ST8SIA4: variants seen among roughly 807,000 people sequenced by gnomAD.
The protein encoded by ST8SIA4 is CMP-N-acetylneuraminate-poly-alpha-2,8-sialyltransferase.
Under a neutral mutation model 33.9 loss-of-function variants are expected in ST8SIA4, and 15 were observed. That is an observed-to-expected ratio of 0.44 (90% confidence interval 0.30 to 0.68). The LOEUF (loss-of-function observed/expected upper bound fraction) is 0.68. Among genes scored for constraint, ST8SIA4 ranks in the 30% least tolerant of loss-of-function variants. The pLI, the probability that ST8SIA4 is intolerant of heterozygous loss-of-function variation, is 0.10. For missense variants in ST8SIA4, 321 were observed against 428.0 expected (o/e 0.75, Z 2.21); for synonymous variants, 171 against 151.2 (o/e 1.13, Z -0.96).
chr5:100,865,834 A>C (rs978540436), intron 3 of ST8SIA4, among the ~76,000 whole-genome samples: 1 of 151,982 alleles, frequency 6.6e-6, no homozygotes, highest in Non-Finnish European at 1.5e-5. Context: ...CCACTGTCCA[A>C]TTTTAGTTAC....
intron 4 of ST8SIA4, among the ~76,000 whole-genome samples, chr5:100,850,809 T>C (rs571216116): frequency 1.3e-5 from 2 of 151,814 alleles, no homozygotes; most frequent in South Asian, 4.2e-4. Flanking sequence ...AACATGTGTG[T>C]GTATATATAT....
chr5:100,816,732 C>A (rs1221499695), intron 4 of ST8SIA4, among the ~76,000 whole-genome samples: 1 of 152,066 alleles, frequency 6.6e-6, no homozygotes, highest in South Asian at 2.1e-4. Flanking sequence ...ATTCTTCTAT[C>A]TGGAATGTGA....
At chr5:100,863,683 A>C (rs898261374) in intron 3 of ST8SIA4, among the ~76,000 whole-genome samples, 7 of 152,214 alleles carry the variant, frequency 4.6e-5, no homozygotes, top group African/African-American at 1.7e-4. Flanking sequence ...CTTGAAATAA[A>C]TAATAAGAGG....
chr5:100,877,323 C>T (rs918315868), intron 3 of ST8SIA4, among the ~76,000 whole-genome samples: 1 of 152,040 alleles, frequency 6.6e-6, no homozygotes, highest in African/African-American at 2.4e-5. Flanking sequence ...GGCTAGGAAA[C>T]TATTTCAAGA....
chr5:100,901,434 C>G (rs2112489832), intron 1 of ST8SIA4, among the ~76,000 whole-genome samples: 1 of 152,258 alleles, frequency 6.6e-6, no homozygotes, highest in South Asian at 2.1e-4. Context: ...CCATTCATCA[C>G]CTTTCTAAAG....
chr5:100,865,286 T>G (rs560415514), intron 3 of ST8SIA4, among the ~76,000 whole-genome samples: 1 of 152,340 alleles, frequency 6.6e-6, no homozygotes, highest in African/African-American at 2.4e-5. Flanking sequence ...TTCTACATTT[T>G]TAAAGATTAG....
intron 3 of ST8SIA4, among the ~76,000 whole-genome samples, chr5:100,858,796 A>T (rs1198792421): frequency 6.6e-6 from 1 of 152,128 alleles, no homozygotes; most frequent in Non-Finnish European, 1.5e-5. Flanking sequence ...GAGATCAAAG[A>T]GTAACAAATC....
chr5:100,895,631 T>G (rs1752763447), intron 2 of ST8SIA4, 23 bp downstream of exon 2: 1 of 1,595,952 alleles, frequency 6.3e-7, no homozygotes, highest in Non-Finnish European at 8.5e-7. Context: ...TGAAATTTAT[T>G]ATGCCTTAGT....
chr5:100,889,528 G>A (rs1411864798), intron 2 of ST8SIA4, among the ~76,000 whole-genome samples: 1 of 151,922 alleles, frequency 6.6e-6, no homozygotes, highest in Non-Finnish European at 1.5e-5. Context: ...GGTCAAAAAA[G>A]TTAACACATG....
chr5:100,849,726 C>T (rs1241705461), intron 4 of ST8SIA4, among the ~76,000 whole-genome samples: 1 of 151,916 alleles, frequency 6.6e-6, no homozygotes, highest in Non-Finnish European at 1.5e-5. Flanking sequence ...ACTCAGAAGG[C>T]GGAGGTTGCA....
Position 100,839,565 on chromosome 5 carries a change from T to C in ST8SIA4, c.797+16538A>G, listed in dbSNP as rs369448980. Among the ~76,000 whole-genome samples, 8 of 152,104 alleles carry C rather than the reference T, an allele frequency of 5.3e-5. No individual in the cohort carries two copies. The South Asian group carries it at 1.7e-3, about 32-fold the overall frequency. ...AATTAATTTAGTTGTTTCCTCTTCT[T>C]GTCTATGAAAAATAATCTTCTCTTT... On this transcript the variant is annotated intron_variant, in intron 4 of 4. Coordinates refer to ENST00000231461, the MANE Select transcript of ST8SIA4 (RefSeq NM_005668.6).
In ST8SIA4 at chr5:100,807,647, G is replaced by A. The variant is rs1360315503; in HGVS notation, c.*4200C>T. 6.6e-6 allele frequency: 1 copy of A among 152,402 alleles called. No individual in the cohort carries two copies. The highest frequency in any genetic ancestry group is 1.5e-5 in the Non-Finnish European group (1 of 67,948). The allele number at this position is 152,402 out of a possible 1,614,324, so 9.4% of individuals were successfully genotyped here. On this transcript the variant is annotated 3_prime_UTR_variant, in exon 5 of 5. Transcript: ENST00000231461. ...GAACGACATAGAATTCAGTTATAAA[G>A]TAGATACCTCTTAAAGCACGTTAGT... is the stretch of plus-strand genomic sequence containing the variant.
At chr5:100,858,940 G>C (rs1751874758) in intron 3 of ST8SIA4, among the ~76,000 whole-genome samples, 1 of 151,982 alleles carries the variant, frequency 6.6e-6, no homozygotes, top group African/African-American at 2.4e-5. Flanking sequence ...AGTCCAGCTT[G>C]TTCATTTTCC....
intron 3 of ST8SIA4, among the ~76,000 whole-genome samples, chr5:100,884,090 T>C (rs1160192455): frequency 6.6e-6 from 1 of 152,168 alleles, no homozygotes; most frequent in African/African-American, 2.4e-5. Flanking sequence ...GTTAAACCAG[T>C]TTACTGAACA....
intron 3 of ST8SIA4, among the ~76,000 whole-genome samples, chr5:100,880,125 TTTTC>T (rs1752384847): frequency 6.6e-6 from 1 of 152,136 alleles, no homozygotes; most frequent in Non-Finnish European, 1.5e-5. Flanking sequence ...CCCTTTCTTC[TTTTC>T]TTTCTTACTA....
chr5:100,852,318 C>T lies in ST8SIA4; in HGVS notation c.797+3785G>A, dbSNP rs575752248. Among the ~76,000 whole-genome samples the T allele has an allele frequency of 3.3e-4, 50 of 151,404 alleles. 1 individual carries two copies. The South Asian group carries it at 9.6e-3, about 29-fold the overall frequency. ...CGTATTTTTAGTAGAGGCGGGGTTT[C>T]GCCATGTTGGCCAGGCTCGTCTCAA... is the stretch of plus-strand genomic sequence containing the variant. On this transcript the variant is annotated intron_variant, in intron 4 of 4. Coordinates refer to ENST00000231461, the MANE Select transcript of ST8SIA4 (RefSeq NM_005668.6).
intron 3 of ST8SIA4, chr5:100,885,219 G>C: frequency 3.2e-6 from 1 of 310,466 alleles, no homozygotes; most frequent in Non-Finnish European, 4.7e-6. Context: ...TTCTCTTATA[G>C]TCTAATTAGT....
In ST8SIA4 at chr5:100,851,920, T is replaced by A. The variant is rs538284093; in HGVS notation, c.797+4183A>T. ...AAATGTATTTGAGCTATGTCTTAGA[T>A]AATAATTTAAAATATTATATAAAAC... On this transcript the variant is annotated intron_variant, in intron 4 of 4. Coordinates refer to ENST00000231461, the MANE Select transcript of ST8SIA4 (RefSeq NM_005668.6). 1.2e-4 allele frequency among the ~76,000 whole-genome samples: 19 copies of A among 152,058 alleles called. No homozygotes were observed. The South Asian group carries it at 2.1e-3, about 17-fold the overall frequency.
intron 3 of ST8SIA4, among the ~76,000 whole-genome samples, chr5:100,879,614 A>T (rs1381576355): frequency 6.6e-6 from 1 of 152,206 alleles, no homozygotes; most frequent in Non-Finnish European, 1.5e-5. Context: ...AGGTTGTAAG[A>T]CACTGAGTTT....
Sources: allele counts gnomAD v4.1 joint callset (sites outside exome capture counted in the v4.1 genomes callset), GRCh38; gene constraint gnomAD v4.1.1; transcripts MANE v1.5; gene names NCBI Gene and HGNC (gene_info 2026-07-23, HGNC 2026-07-21).